The following PIK3C2G variants were observed in gnomAD, a reference collection of about 807,000 sequenced individuals.
The protein encoded by PIK3C2G is phosphatidylinositol 3-kinase C2 domain-containing subunit gamma.
Under a neutral mutation model 181.1 loss-of-function variants are expected in PIK3C2G, and 168 were observed. The ratio of observed to expected loss-of-function variants is 0.93; its 90% CI spans 0.82 to 1.05. PIK3C2G has a LOEUF of 1.05. Among genes scored for constraint, PIK3C2G ranks in the 50% least tolerant of loss-of-function variants. The probability of loss-of-function intolerance (pLI) is 0.00; values close to 1 mark genes in which losing one functional copy is unlikely to be tolerated. For synonymous variants in PIK3C2G, 573 were observed against 592.2 expected, an observed-to-expected ratio of 0.97 and a Z score of 0.47; for missense variants, 1,869 against 1,732.8, an observed-to-expected ratio of 1.08 and a Z score of -1.40.
At chr12:18,659,658 C>T in the PIK3C2G span, among the ~76,000 whole-genome samples, 36 of 125,190 alleles carry the variant, frequency 2.9e-4, no homozygotes, top group African/African-American at 1.0e-3. Context: ...GAATAGTTCT[C>T]CATTCTTTTT....
At chr12:18,255,843 G>T (rs1322393663) in intron 1 of PIK3C2G, among the ~76,000 whole-genome samples, 1 of 152,160 alleles carries the variant, frequency 6.6e-6, no homozygotes, top group African/African-American at 2.4e-5. Context: ...ATTTTTCAAG[G>T]CAATGATCAA....
intron 24 of PIK3C2G, among the ~76,000 whole-genome samples, chr12:18,518,063 C>G (rs1192360818): frequency 1.3e-5 from 2 of 152,158 alleles, no homozygotes; most frequent in Non-Finnish European, 2.9e-5. Context: ...GTTGAACCAG[C>G]CTTGCACCCC....
intron 2 of PIK3C2G, among the ~76,000 whole-genome samples, chr12:18,284,543 G>A (rs1359653552): frequency 6.6e-6 from 1 of 152,130 alleles, no homozygotes; most frequent in Non-Finnish European, 1.5e-5. Flanking sequence ...AAGAGCCTCT[G>A]AGATAATCCA....
At chr12:18,681,195 G>C in the PIK3C2G span, among the ~76,000 whole-genome samples, 1 of 151,846 alleles carries the variant, frequency 6.6e-6, no homozygotes, top group African/African-American at 2.4e-5. Context: ...CTAAAGTCTG[G>C]CTGATAGTAC....
chr12:18,309,554 CTTT>C (rs1950556572), intron 5 of PIK3C2G, among the ~76,000 whole-genome samples: 1 of 151,704 alleles, frequency 6.6e-6, no homozygotes. Flanking sequence ...AAAGTTACTT[CTTT>C]ATTTTGCCAC....
At chr12:18,691,885 G>A in the PIK3C2G span, among the ~76,000 whole-genome samples, 4 of 152,132 alleles carry the variant, frequency 2.6e-5, no homozygotes, top group Non-Finnish European at 4.4e-5. Context: ...GCAATGGTCA[G>A]GATCATTCTA....
At chr12:18,695,179 A>G in the PIK3C2G span, 1 of 1,203,586 alleles carries the variant, frequency 8.3e-7, no homozygotes, top group Non-Finnish European at 1.2e-6. Context: ...CTATGTCCCC[A>G]AATGTTCTAT....
At chr12:18,604,253 C>G (rs1333266465) in intron 30 of PIK3C2G, among the ~76,000 whole-genome samples, 2 of 152,096 alleles carry the variant, frequency 1.3e-5, no homozygotes, top group Non-Finnish European at 2.9e-5. Flanking sequence ...ATTCTTATAT[C>G]AGACAAAACA....
chr12:18,635,844 G>A (rs748216196), intron 31 of PIK3C2G, among the ~76,000 whole-genome samples: 7 of 152,154 alleles, frequency 4.6e-5, no homozygotes, highest in Non-Finnish European at 8.8e-5. Context: ...TGAGGAGTAT[G>A]TTGCATCCAA....
chr12:18,520,754 C>T (rs1175984947), intron 24 of PIK3C2G, among the ~76,000 whole-genome samples: 1 of 152,110 alleles, frequency 6.6e-6, no homozygotes, highest in Non-Finnish European at 1.5e-5. Flanking sequence ...GTTCTGCACC[C>T]TTGCTGGACA....
chr12:18,358,966 A>AACAC (rs1196622701), intron 11 of PIK3C2G: 2 of 159,552 alleles, frequency 1.3e-5, no homozygotes, highest in Non-Finnish European at 2.7e-5. Context: ...TGCCAACTCC[A>AACAC]TGGTGCAGCA....
chr12:18,303,739 G>A (rs377503459), intron 5 of PIK3C2G, among the ~76,000 whole-genome samples: 16 of 152,110 alleles, frequency 1.1e-4, no homozygotes, highest in African/African-American at 3.9e-4. Context: ...GTACTTAAAA[G>A]CTTTTGCTGA....
chr12:18,533,648 T>C lies in PIK3C2G; in HGVS notation c.3324-4508T>C, dbSNP rs1205760505. ...ATAAATTTATAATGCTTTTAGAACA[T>C]TGATTTTTTAAAATCTTTCACCTCA... On this transcript the variant is annotated intron_variant, in intron 24 of 32. Coordinates refer to ENST00000538779, the MANE Select transcript of PIK3C2G (RefSeq NM_001288772.2). 3.9e-5 allele frequency among the ~76,000 whole-genome samples: 6 copies of C among 152,304 alleles called. No homozygotes were observed. In the South Asian group the frequency reaches 6.2e-4, roughly 16 times the overall value.
chr12:18,726,378 A>C, the PIK3C2G span, among the ~76,000 whole-genome samples: 4 of 152,280 alleles, frequency 2.6e-5, no homozygotes, highest in South Asian at 8.3e-4. Context: ...TACAAAAAGC[A>C]CTTTCCCAAA....
At chr12:18,374,527 G>A (rs1002821727) in intron 13 of PIK3C2G, among the ~76,000 whole-genome samples, 1 of 152,128 alleles carries the variant, frequency 6.6e-6, no homozygotes. Flanking sequence ...TGGTTACCAG[G>A]CTACTTAGAA....
chr12:18,340,051 C>G (rs1938979729), intron 9 of PIK3C2G, among the ~76,000 whole-genome samples: 1 of 152,060 alleles, frequency 6.6e-6, no homozygotes, highest in Non-Finnish European at 1.5e-5. Flanking sequence ...ACTATGTAGT[C>G]TCCAAAACTG....
At chr12:18,370,823 A>T (rs1188600115) in intron 12 of PIK3C2G, among the ~76,000 whole-genome samples, 1 of 152,072 alleles carries the variant, frequency 6.6e-6, no homozygotes, top group Non-Finnish European at 1.5e-5. Context: ...AAACCTTGAG[A>T]ATCATTTTGA....
chr12:18,406,907 T>C (rs1393469072), intron 16 of PIK3C2G, among the ~76,000 whole-genome samples: 1 of 152,206 alleles, frequency 6.6e-6, no homozygotes, highest in Non-Finnish European at 1.5e-5. Context: ...ATACATATTT[T>C]GTCCTTGTAT....
intron 18 of PIK3C2G, 52 bp downstream of exon 18, chr12:18,424,091 A>G (rs1202640010): frequency 1.9e-6 from 2 of 1,028,002 alleles, no homozygotes; most frequent in Non-Finnish European, 3.0e-6. Flanking sequence ...CACCTTCTCT[A>G]TGGGGCAGCT....
Sources: gnomAD v4.1 joint callset for allele counts (sites outside exome capture counted in the v4.1 genomes callset) on GRCh38, gnomAD v4.1.1 for gene constraint, MANE v1.5 for transcripts, NCBI Gene and HGNC (gene_info 2026-07-23, HGNC 2026-07-21) for gene names.